The following TJP1 variants were observed in gnomAD, a reference collection of about 807,000 sequenced individuals.
The protein encoded by TJP1 is tight junction protein 1, also known as tight junction protein ZO-1.
In TJP1, 43 loss-of-function variants were observed where a neutral mutation model predicts 194.2. That is an observed-to-expected ratio of 0.22 (90% CI 0.17 to 0.29). The LOEUF is 0.29. Among genes scored for constraint, TJP1 ranks in the 10% least tolerant of loss-of-function variants. The pLI is 1.00. For missense variants in TJP1, 1,971 were observed against 2,185.7 expected, an observed-to-expected ratio of 0.90 and a Z score of 1.96; for synonymous variants, 801 against 779.0, an observed-to-expected ratio of 1.03 and a Z score of -0.47.
At chr15:29,864,261 A>C (rs2052218066) in intron 2 of TJP1, among the ~76,000 whole-genome samples, 1 of 148,496 alleles carries the variant, frequency 6.7e-6, no homozygotes, top group Non-Finnish European at 1.5e-5. Flanking sequence ...AAAAAAAAAA[A>C]AAAGCTGGGT....
chr15:29,950,540 G>T (rs931418822), intron 2 of TJP1, among the ~76,000 whole-genome samples: 2 of 152,120 alleles, frequency 1.3e-5, no homozygotes, highest in Non-Finnish European at 2.9e-5. Context: ...TGTGCCCAGA[G>T]CAGAGGAGCC....
At chr15:29,712,562 C>A (rs1265262519) in intron 23 of TJP1, among the ~76,000 whole-genome samples, 1 of 152,126 alleles carries the variant, frequency 6.6e-6, no homozygotes, top group East Asian at 1.9e-4. Flanking sequence ...AGGAACATAT[C>A]ACTAACTCTC....
intron 2 of TJP1, among the ~76,000 whole-genome samples, chr15:29,949,634 A>G (rs1596311286): frequency 2.2e-5 from 2 of 92,776 alleles, no homozygotes; most frequent in African/African-American, 8.5e-5. Flanking sequence ...CTCCACCTCC[A>G]CCACCTCCAC....
chr15:29,772,361 T>A (rs1478651913), intron 3 of TJP1, among the ~76,000 whole-genome samples, 195 bp from the exon 4 acceptor site: 1 of 152,226 alleles, frequency 6.6e-6, no homozygotes, highest in African/African-American at 2.4e-5. Context: ...AACAAGTAAC[T>A]AACCACAGGT....
At chr15:29,938,071 CATAT>C (rs2054941942) in intron 2 of TJP1, among the ~76,000 whole-genome samples, 1 of 152,188 alleles carries the variant, frequency 6.6e-6, no homozygotes, top group African/African-American at 2.4e-5. Context: ...TTCTACTTGA[CATAT>C]AAAAAGAATC....
At chr15:29,942,207 T>C (rs2055104267) in intron 2 of TJP1, among the ~76,000 whole-genome samples, 1 of 152,180 alleles carries the variant, frequency 6.6e-6, no homozygotes, top group Admixed American at 6.5e-5. Context: ...AAATTCTGCC[T>C]AAAGTCAGAG....
chr15:29,936,840 C>A (rs2054899436), intron 2 of TJP1, among the ~76,000 whole-genome samples: 1 of 152,134 alleles, frequency 6.6e-6, no homozygotes. Context: ...TATCAAGTTC[C>A]CTTAGAAAAT....
intron 23 of TJP1, 148 bp downstream of exon 23, chr15:29,716,463 C>A: frequency 1.6e-6 from 1 of 618,068 alleles, no homozygotes; most frequent in Non-Finnish European, 2.7e-6. Flanking sequence ...AACACACATC[C>A]CAGAACTAAA....
At chr15:29,905,793 C>A (rs2053788487) in intron 2 of TJP1, among the ~76,000 whole-genome samples, 1 of 152,190 alleles carries the variant, frequency 6.6e-6, no homozygotes, top group African/African-American at 2.4e-5. Flanking sequence ...ATGATTCCAA[C>A]TATCTGACAT....
intron 2 of TJP1, among the ~76,000 whole-genome samples, chr15:29,857,416 A>G (rs1432057930): frequency 2.0e-5 from 3 of 152,066 alleles, no homozygotes; most frequent in Non-Finnish European, 4.4e-5. Context: ...TAAAAGGCCT[A>G]CGTATGTAGT....
At chr15:29,834,163 G>A (rs915006513) in intron 2 of TJP1, among the ~76,000 whole-genome samples, 2 of 151,044 alleles carry the variant, frequency 1.3e-5, no homozygotes, top group Non-Finnish European at 2.9e-5. Context: ...TTACAGGCAT[G>A]AGCCACTGGG....
Position 29,718,657 on chromosome 15 carries a change from G to C in TJP1, c.3485C>G (p.Ala1162Gly). 6.2e-7 allele frequency: 1 copy of C among 1,614,204 alleles called. No homozygotes were observed. Among genetic ancestry groups the C allele is most frequent in the East Asian group, 2.2e-5 (1 of 44,872 alleles). The change falls in exon 21 of 28, where the codon GCT (alanine) becomes GGT (glycine). Residue 1162 changes from alanine to glycine, a missense_variant. Ala to Gly is a moderately conservative substitution (Grantham distance 60). Around this residue, in one of 5 missense-constraint regions of TJP1, gnomAD observed 1,108 missense variants for 1,128.5 expected, o/e 0.98. Transcript: ENST00000614355. The part of the protein sequence containing the change: ...ASALRHEEQP[A>G]PGYDTHGRLR... ...TCTACCATGTGTGTCATACCCAGGA[G>C]CTGGCTGCTCTTCGTGCCGCAGGGC...
At chr15:29,702,662 G>T (rs1383630810) in intron 27 of TJP1, among the ~76,000 whole-genome samples, 1 of 152,158 alleles carries the variant, frequency 6.6e-6, no homozygotes, top group African/African-American at 2.4e-5. Flanking sequence ...TGCCAGCTGA[G>T]AACTTTGCTT....
chr15:29,718,407 A>G lies in TJP1; in HGVS notation c.3735T>C (p.Pro1245=). Reference sequence around the variant, plus strand: ...CTTCTTCGGTTTGAGTTGGGGGTGGAGGCAGTGGTTTGGTGTTTGAAGGCA... The same window carrying G: ...CTTCTTCGGTTTGAGTTGGGGGTGGGGGCAGTGGTTTGGTGTTTGAAGGCA... ...EALPSNTKPL[P]PPPTQTEEEE... The change falls in exon 21 of 28, where the codon CCT becomes CCC. Residue 1245 remains proline (P), a synonymous_variant. Coordinates refer to ENST00000614355, the MANE Select transcript of TJP1 (RefSeq NM_001330239.4). 1 of 1,613,970 alleles carries G rather than the reference A, an allele frequency of 6.2e-7. No homozygotes were observed. The highest frequency in any genetic ancestry group is 8.5e-7 in the Non-Finnish European group (1 of 1,180,010).
intron 2 of TJP1, among the ~76,000 whole-genome samples, chr15:29,795,722 T>TA (rs764631566): frequency 6.6e-5 from 10 of 151,876 alleles, no homozygotes; most frequent in Non-Finnish European, 1.2e-4. Context: ...TAAACAATGT[T>TA]AAAAAAAAGT....
At chr15:29,822,574 A>T, upstream of TJP1, 228 of 372,044 alleles carry the variant, frequency 6.1e-4, no homozygotes, top group Middle Eastern at 1.3e-3. Flanking sequence ...GCGGCGGGGG[A>T]GGGGGCGGGA....
chr15:29,799,352 T>C (rs889985033), intron 2 of TJP1, among the ~76,000 whole-genome samples: 7 of 152,080 alleles, frequency 4.6e-5, no homozygotes, highest in South Asian at 2.1e-4. Context: ...TATTAGATAA[T>C]GATTTCCTTC....
intron 1 of TJP1, chr15:29,967,961 A>C: frequency 1.5e-6 from 1 of 657,960 alleles, no homozygotes; most frequent in Non-Finnish European, 1.9e-6. Flanking sequence ...AGCCAGTGGC[A>C]TACCTAGGTG....
intron 2 of TJP1, among the ~76,000 whole-genome samples, chr15:29,897,069 G>A (rs915205627): frequency 7.9e-5 from 12 of 152,184 alleles, no homozygotes; most frequent in African/African-American, 2.9e-4. Flanking sequence ...AAGACAATGG[G>A]GAAAATGTCT....
Sources: allele counts gnomAD v4.1 joint callset (sites outside exome capture counted in the v4.1 genomes callset), GRCh38; gene constraint gnomAD v4.1.1; regional missense constraint gnomAD v4.1.1; transcripts MANE v1.5; gene names NCBI Gene and HGNC (gene_info 2026-07-23, HGNC 2026-07-21).